Variants in ST18 observed in about 807,000 individuals in gnomAD.
ST18 encodes the protein ST18 C2H2C-type zinc finger transcription factor.
ST18 carries 50 observed loss-of-function variants against 110.0 expected under a neutral mutation model. That is an observed-to-expected ratio of 0.45 (90% confidence interval 0.36 to 0.58). ST18 has a LOEUF of 0.58. ST18 is among the 20% of genes least tolerant of loss of function. The probability of loss-of-function intolerance (pLI) is 0.00; values close to 1 mark genes in which losing one functional copy is unlikely to be tolerated. For synonymous variants in ST18, 461 were observed against 452.4 expected (o/e 1.02, Z -0.24); for missense variants, 1,306 against 1,280.1 (o/e 1.02, Z -0.31).
intron 2 of ST18, among the ~76,000 whole-genome samples, chr8:52,381,549 T>G (rs7388660): frequency 0.93 from 142,186 of 152,232 alleles, 67,172 homozygotes; most frequent in East Asian, 1. Context: ...CAACTTATTT[T>G]AATACATACT....
intron 2 of ST18, among the ~76,000 whole-genome samples, chr8:52,321,359 C>T (rs1265298331): frequency 6.6e-6 from 1 of 152,024 alleles, no homozygotes; most frequent in East Asian, 1.9e-4. Flanking sequence ...TAACTGTTAG[C>T]TCTAGTGTCA....
intron 2 of ST18, among the ~76,000 whole-genome samples, chr8:52,350,698 C>T (rs1446098503): frequency 7.9e-5 from 12 of 152,032 alleles, no homozygotes; most frequent in South Asian, 2.1e-4. Context: ...CAATACTCAC[C>T]TCTCGTGTCA....
intron 13 of ST18, among the ~76,000 whole-genome samples, chr8:52,162,266 A>G (rs2061657019): frequency 1.3e-5 from 2 of 152,194 alleles, no homozygotes; most frequent in African/African-American, 4.8e-5. Context: ...GGTGCTGACA[A>G]GGTGTGCACA....
chr8:52,158,874 C>T, intron 15 of ST18, 24 bp downstream of exon 15: 2 of 1,613,700 alleles, frequency 1.2e-6, no homozygotes, highest in Non-Finnish European at 1.7e-6. Context: ...CTGGCCCACC[C>T]TCCGGGCTCT....
intron 2 of ST18, among the ~76,000 whole-genome samples, chr8:52,317,627 C>G (rs573879314): frequency 6.6e-6 from 1 of 152,184 alleles, no homozygotes; most frequent in East Asian, 1.9e-4. Context: ...CTATTTCTCC[C>G]ACTTTCTCTG....
rs1044266585 is a variant in ST18, at chr8:52,220,813, C to G, written c.-229G>C. 1 of 152,134 alleles carries G rather than the reference C, an allele frequency of 6.6e-6. No individual in the cohort carries two copies. The highest frequency in any genetic ancestry group is 1.5e-5 in the Non-Finnish European group (1 of 68,024). The allele number at this position is 152,134 out of a possible 1,614,324, so 9.4% of individuals were successfully genotyped here. On this transcript the variant is annotated 5_prime_UTR_variant, in exon 5 of 26. Coordinates refer to ENST00000689386, the MANE Select transcript of ST18 (RefSeq NM_001352837.2). ...TGTGTCAGGGGGACTAAATAAATGA[C>G]TTTGTCTTATTTAGTGATAAATCCT...
chr8:52,336,394 G>A lies in ST18; in HGVS notation c.-465+72934C>T, dbSNP rs532215997. 2.0e-5 allele frequency among the ~76,000 whole-genome samples: 3 copies of A among 152,196 alleles called. No individual in the cohort carries two copies. In the South Asian group the frequency reaches 6.2e-4, roughly 32 times the overall value. On this transcript the variant is annotated intron_variant, in intron 2 of 25. Transcript: ENST00000689386. ...TCAAACTCCTGGCATCAAGTGATCTGCCCACCTTGGCCTCTCAAAGTGCTG... is the reference window on the plus strand; with the variant it reads ...TCAAACTCCTGGCATCAAGTGATCTACCCACCTTGGCCTCTCAAAGTGCTG...
intron 8 of ST18, among the ~76,000 whole-genome samples, chr8:52,203,178 G>A (rs1199532168): frequency 6.6e-6 from 1 of 152,190 alleles, no homozygotes; most frequent in African/African-American, 2.4e-5. Flanking sequence ...GGTAGGTTTT[G>A]ACATGGAGGG....
At chr8:52,159,806 A>C (rs868299715) in intron 14 of ST18, among the ~76,000 whole-genome samples, 16 of 152,250 alleles carry the variant, frequency 1.1e-4, no homozygotes, top group South Asian at 4.1e-4. Context: ...TTTCCATTTT[A>C]TGTTTCTGTT....
intron 2 of ST18, among the ~76,000 whole-genome samples, chr8:52,278,461 G>A (rs762506998): frequency 4.6e-5 from 7 of 152,182 alleles, no homozygotes; most frequent in Non-Finnish European, 8.8e-5. Context: ...CTGGTTCCCT[G>A]GAGCTCTGGT....
At chr8:52,238,851 C>T (rs568891303) in intron 2 of ST18, among the ~76,000 whole-genome samples, 47 of 114,048 alleles carry the variant, frequency 4.1e-4, no homozygotes, top group Non-Finnish European at 5.8e-4. Flanking sequence ...ATGGGAGACT[C>T]GGAAGGGTGG....
intron 8 of ST18, among the ~76,000 whole-genome samples, chr8:52,197,634 A>G (rs1336155278): frequency 1.3e-5 from 2 of 152,232 alleles, no homozygotes; most frequent in African/African-American, 4.8e-5. Flanking sequence ...CACTTAGAGT[A>G]GAAATCTGAA....
At chr8:52,392,641 AC>A (rs1839693403) in intron 2 of ST18, among the ~76,000 whole-genome samples, 1 of 152,238 alleles carries the variant, frequency 6.6e-6, no homozygotes, top group Non-Finnish European at 1.5e-5. Flanking sequence ...ATTTATTGAA[AC>A]AGTTTTACGG....
chr8:52,163,217 CTT>C (rs1418514764), intron 13 of ST18, among the ~76,000 whole-genome samples: 1 of 152,134 alleles, frequency 6.6e-6, no homozygotes, highest in African/African-American at 2.4e-5. Flanking sequence ...AATTTTGACT[CTT>C]CATCAAATCT....
intron 10 of ST18, among the ~76,000 whole-genome samples, chr8:52,169,012 G>C (rs137870285): frequency 1.3e-5 from 2 of 152,068 alleles, no homozygotes; most frequent in African/African-American, 4.8e-5. Flanking sequence ...GATTGGCGTC[G>C]CACACTTCCC....
At chr8:52,161,670 T>C in intron 13 of ST18, 102 bp from the exon 14 acceptor site, 2 of 1,307,678 alleles carry the variant, frequency 1.5e-6, no homozygotes, top group African/African-American at 1.5e-5. Context: ...CTCCTGAAGG[T>C]ATCCACAGAG....
At chr8:52,130,167 A>AG (rs1586532878) in intron 22 of ST18, among the ~76,000 whole-genome samples, 1 of 89,966 alleles carries the variant, frequency 1.1e-5, no homozygotes, top group African/African-American at 3.7e-5. Context: ...AAGAAAGAAA[A>AG]AGAAAAGAAA....
chr8:52,203,161 G>A (rs1050188234), intron 8 of ST18, among the ~76,000 whole-genome samples: 1 of 152,138 alleles, frequency 6.6e-6, no homozygotes, highest in African/African-American at 2.4e-5. Context: ...ATTAAAAATT[G>A]TTTTAAGGTA....
At position 52,165,090 on chromosome 8, in the gene ST18, C is replaced by T. The variant is rs1273543717; in HGVS notation, c.1295+45G>A. The T allele has an allele frequency of 3.8e-6, 6 of 1,590,972 alleles. No homozygotes were observed. The East Asian group carries it at 1.1e-4, about 30-fold the overall frequency. On this transcript the variant is annotated intron_variant, in intron 12 of 25. Transcript: ENST00000689386. The stretch of plus-strand genomic sequence containing the variant: ...TTATTTTATTGGTGGAACGTTTCTA[C>T]CACATTTTTTAAATGCAAAATGATT...
Sources: allele counts gnomAD v4.1 joint callset (sites outside exome capture counted in the v4.1 genomes callset), GRCh38; gene constraint gnomAD v4.1.1; transcripts MANE v1.5; gene names NCBI Gene and HGNC (gene_info 2026-07-23, HGNC 2026-07-21).